The following SYTL5 variants were observed in gnomAD, a reference collection of about 807,000 sequenced individuals.
SYTL5 encodes the protein synaptotagmin-like protein 5.
In SYTL5, 34 loss-of-function variants were observed where a neutral mutation model predicts 55.9. That is an observed-to-expected ratio of 0.61 (90% CI 0.46 to 0.81). The LOEUF (loss-of-function observed/expected upper bound fraction) is 0.81, where lower values mean the gene tolerates loss of function less well. SYTL5 is among the 30% of genes least tolerant of loss of function. The pLI is 0.00. For synonymous variants in SYTL5, 221 were observed against 188.7 expected, an observed-to-expected ratio of 1.17 and a Z score of -1.40; for missense variants, 637 against 546.7, an observed-to-expected ratio of 1.17 and a Z score of -1.65.
chrX:38,079,483 A>G (rs1169068706), intron 6 of SYTL5, among the ~76,000 whole-genome samples: 1 of 112,193 alleles, frequency 8.9e-6, no homozygotes, highest in Non-Finnish European at 1.9e-5. Flanking sequence ...AAATAAATGT[A>G]AGCTGTAGTT....
At chrX:38,020,137 T>C (rs143884423) in intron 1 of SYTL5, among the ~76,000 whole-genome samples, 3,766 of 110,467 alleles carry the variant, frequency 0.034, 69 homozygotes, top group Middle Eastern at 0.065. Flanking sequence ...TGTTGTAGCC[T>C]AGCATGATAA....
the SYTL5 span, among the ~76,000 whole-genome samples, chrX:37,929,708 A>T: frequency 4.5e-5 from 5 of 111,727 alleles, no homozygotes; most frequent in Non-Finnish European, 9.4e-5. Flanking sequence ...CATTTGAGGA[A>T]ATTATTTCCT....
intron 2 of SYTL5, among the ~76,000 whole-genome samples, chrX:38,037,944 G>A (rs1569163767): frequency 9.0e-6 from 1 of 111,197 alleles, no homozygotes; most frequent in Non-Finnish European, 1.9e-5. Flanking sequence ...GCTGAGAACC[G>A]GGAGAGCTGA....
At chrX:38,108,751 A>G (rs369697588) in intron 12 of SYTL5, 52 bp downstream of exon 12, 39 of 790,599 alleles carry the variant, frequency 4.9e-5, no homozygotes, top group African/African-American at 2.7e-4. Flanking sequence ...CACAACTTCA[A>G]TGGTTTAGAA....
intron 9 of SYTL5, 37 bp downstream of exon 9, chrX:38,096,271 G>C: frequency 1.2e-6 from 1 of 845,848 alleles, no homozygotes; most frequent in Non-Finnish European, 1.7e-6. Flanking sequence ...ATGAAGAGGA[G>C]GAAATAAGGG....
chrX:38,004,138 G>T (rs1364523166), upstream of SYTL5, among the ~76,000 whole-genome samples: 1 of 111,544 alleles, frequency 9.0e-6, no homozygotes, highest in African/African-American at 3.3e-5. Context: ...TGCTCTGTAG[G>T]TTGGCTCTTC....
At chrX:37,965,039 AT>A in the SYTL5 span, among the ~76,000 whole-genome samples, 1 of 110,416 alleles carries the variant, frequency 9.1e-6, no homozygotes, top group South Asian at 3.8e-4. Context: ...TCTAAATTTC[AT>A]TTTTTTATTG....
At chrX:37,950,705 A>G in the SYTL5 span, among the ~76,000 whole-genome samples, 3 of 111,554 alleles carry the variant, frequency 2.7e-5, no homozygotes, top group African/African-American at 9.7e-5. Context: ...AATATTATTC[A>G]TTAACAGTTT....
intron 7 of SYTL5, among the ~76,000 whole-genome samples, chrX:38,093,318 A>T (rs180838708): frequency 8.9e-6 from 1 of 112,319 alleles, no homozygotes; most frequent in Admixed American, 9.4e-5. Context: ...GGAGGGAATT[A>T]TTCCTCTAGG....
intron 3 of SYTL5, among the ~76,000 whole-genome samples, chrX:38,056,840 T>C (rs373630065): frequency 7.8e-4 from 87 of 111,948 alleles, no homozygotes; most frequent in African/African-American, 2.8e-3. Context: ...TTATTAGATT[T>C]TTTGTAGAGT....
chrX:37,991,016 C>T, the SYTL5 span: 1 of 1,211,953 alleles, frequency 8.3e-7, no homozygotes, highest in Non-Finnish European at 1.1e-6. Flanking sequence ...TGCTCGATTG[C>T]CTTGCTGACT....
chrX:37,920,999 T>C, the SYTL5 span, among the ~76,000 whole-genome samples: 64 of 111,486 alleles, frequency 5.7e-4, no homozygotes, highest in African/African-American at 2.0e-3. Context: ...TTCCCTCCAG[T>C]AATAGAGAGG....
At chrX:37,898,291 A>G in the SYTL5 span, among the ~76,000 whole-genome samples, 1 of 111,334 alleles carries the variant, frequency 9.0e-6, no homozygotes, top group Non-Finnish European at 1.9e-5. Context: ...ATACTATCAC[A>G]TGGGGTATTA....
At chrX:37,962,121 T>G in the SYTL5 span, among the ~76,000 whole-genome samples, 3 of 110,746 alleles carry the variant, frequency 2.7e-5, no homozygotes, top group African/African-American at 9.9e-5. Flanking sequence ...ATGTGCACAA[T>G]GTGCAGGTTT....
At chrX:37,907,242 A>C in the SYTL5 span, among the ~76,000 whole-genome samples, 3 of 111,761 alleles carry the variant, frequency 2.7e-5, no homozygotes, top group Non-Finnish European at 5.6e-5. Flanking sequence ...AAATGCACAC[A>C]CAAAACCATG....
At chrX:38,071,089 T>C (rs1411243865) in intron 3 of SYTL5, among the ~76,000 whole-genome samples, 1 of 111,877 alleles carries the variant, frequency 8.9e-6, no homozygotes, top group Non-Finnish European at 1.9e-5. Flanking sequence ...ATTGAGATCG[T>C]GGTCTGTGAA....
At chrX:37,958,711 C>T in the SYTL5 span, among the ~76,000 whole-genome samples, 1 of 112,078 alleles carries the variant, frequency 8.9e-6, no homozygotes, top group Non-Finnish European at 1.9e-5. Flanking sequence ...ATAGATGAGA[C>T]TCAAAATGTG....
At chrX:38,001,918 G>C (rs1280747060), upstream of SYTL5, among the ~76,000 whole-genome samples, 1 of 110,581 alleles carries the variant, frequency 9.0e-6, no homozygotes, top group Non-Finnish European at 1.9e-5. Context: ...ACAATGTGCA[G>C]GTTTGTTACA....
At chrX:37,992,820 C>T in the SYTL5 span, among the ~76,000 whole-genome samples, 46,255 of 110,421 alleles carry the variant, frequency 0.42, 7,441 homozygotes, top group East Asian at 0.59. Context: ...TATAATCGAA[C>T]ACGTCAATAC....
Sources: gnomAD v4.1 joint callset for allele counts (sites outside exome capture counted in the v4.1 genomes callset) on GRCh38, gnomAD v4.1.1 for gene constraint, MANE v1.5 for transcripts, NCBI Gene and HGNC (gene_info 2026-07-23, HGNC 2026-07-21) for gene names.